The following ACACB variants were observed in gnomAD, a reference collection of about 807,000 sequenced individuals.
The protein encoded by ACACB is acetyl-CoA carboxylase 2.
Under a neutral mutation model 278.8 loss-of-function variants are expected in ACACB, and 209 were observed. The observed-to-expected ratio is 0.75, with a 90% CI of 0.67 to 0.84. ACACB has a LOEUF of 0.84. Among genes scored for constraint, ACACB ranks in the 40% least tolerant of loss-of-function variants. The pLI is 0.00. For missense variants in ACACB, 2,850 were observed against 3,269.0 expected, an observed-to-expected ratio of 0.87 and a Z score of 3.13; for synonymous variants, 1,174 against 1,285.6, an observed-to-expected ratio of 0.91 and a Z score of 1.86.
chr12:109,113,519 G>A (rs937362020), upstream of ACACB: 1 of 152,218 alleles, frequency 6.6e-6, no homozygotes, highest in Non-Finnish European at 1.5e-5. Context: ...ATAATTAATT[G>A]TGTGAAAGTC....
At chr12:109,223,313 A>T (rs913456125) in intron 26 of ACACB, among the ~76,000 whole-genome samples, 2 of 152,116 alleles carry the variant, frequency 1.3e-5, no homozygotes. Context: ...GACCTGTCCC[A>T]GGTGCCGTCA....
intron 2 of ACACB, among the ~76,000 whole-genome samples, chr12:109,163,680 C>T (rs2043808468): frequency 6.6e-6 from 1 of 152,118 alleles, no homozygotes; most frequent in Admixed American, 6.5e-5. Context: ...GATGGAGTCT[C>T]ACTCTATTGC....
chr12:109,264,204 C>T (rs1565986941), intron 49 of ACACB, 28 bp from the exon 50 acceptor site: 2 of 1,611,400 alleles, frequency 1.2e-6, no homozygotes, highest in East Asian at 2.2e-5. Context: ...GCTTCCATGG[C>T]TTGACTGGCC....
rs80032845 is a variant in ACACB, at chr12:109,120,291, C to G, written c.-10+3587C>G. On this transcript the variant is annotated intron_variant, in intron 1 of 52. Transcript: ENST00000338432. Reference sequence around the variant, plus strand: ...TGGTTTACAGCAGGACTTCTCAGAGCCTTTACTATGCTAAATGCAGTGGGA... The same window carrying G: ...TGGTTTACAGCAGGACTTCTCAGAGGCTTTACTATGCTAAATGCAGTGGGA... Among the ~76,000 whole-genome samples the G allele has an allele frequency of 7.0e-4, 106 of 152,290 alleles. 2 individuals carry two copies. In the East Asian group the frequency reaches 0.02, roughly 28 times the overall value.
At chr12:109,171,212 T>A (rs1021606764) in intron 4 of ACACB, among the ~76,000 whole-genome samples, 10 of 152,212 alleles carry the variant, frequency 6.6e-5, no homozygotes, top group South Asian at 2.1e-4. Flanking sequence ...GGACTTTTTT[T>A]AAAAACCCAC....
At chr12:109,173,267 G>C (rs1565886960) in intron 6 of ACACB, among the ~76,000 whole-genome samples, 2 of 152,160 alleles carry the variant, frequency 1.3e-5, no homozygotes, top group African/African-American at 4.8e-5. Context: ...TGTGACATAA[G>C]TTTACCTATA....
At chr12:109,142,720 C>T (rs2043150196) in intron 2 of ACACB, among the ~76,000 whole-genome samples, 1 of 152,100 alleles carries the variant, frequency 6.6e-6, no homozygotes, top group South Asian at 2.1e-4. Flanking sequence ...GCGTGTGCCA[C>T]CACACCTGGC....
chr12:109,153,608 T>C (rs183554162), intron 2 of ACACB, among the ~76,000 whole-genome samples: 1 of 152,312 alleles, frequency 6.6e-6, no homozygotes, highest in East Asian at 1.9e-4. Context: ...CGATGACTTC[T>C]AGGTAGTGTT....
At chr12:109,264,505 A>G (rs997871774) in intron 50 of ACACB, 119 bp downstream of exon 50, 2 of 1,280,110 alleles carry the variant, frequency 1.6e-6, no homozygotes, top group South Asian at 1.4e-5. Context: ...CAAATGCTGC[A>G]GGAGGTGGGA....
intron 24 of ACACB, among the ~76,000 whole-genome samples, chr12:109,219,436 C>T (rs117350440): frequency 6.6e-6 from 1 of 152,120 alleles, no homozygotes. Context: ...CCATGCCCCA[C>T]CCTTGGTCAA....
chr12:109,199,148 C>T (rs947343619), intron 17 of ACACB, among the ~76,000 whole-genome samples: 3 of 151,950 alleles, frequency 2.0e-5, no homozygotes, highest in Admixed American at 1.3e-4. Flanking sequence ...CGAGATCGCG[C>T]CACTGCACTC....
rs544646734 is a variant in ACACB, at chr12:109,259,323, G to A, written c.6496+215G>A. Reference sequence around the variant, plus strand: ...CACAGTGGCAGACACCTGTAATCCCGGTGCTTTGGGAGGCCAAGGCAGAAA... The same window carrying A: ...CACAGTGGCAGACACCTGTAATCCCAGTGCTTTGGGAGGCCAAGGCAGAAA... On this transcript the variant is annotated intron_variant, in intron 47 of 52. Transcript: ENST00000338432. 5.9e-5 allele frequency among the ~76,000 whole-genome samples: 9 copies of A among 152,208 alleles called. 2 individuals are homozygous for A. Among genetic ancestry groups the A allele is most frequent in the African/African-American group, 1.9e-4 (8 of 41,522 alleles).
intron 2 of ACACB, among the ~76,000 whole-genome samples, chr12:109,157,272 G>GTTGTTATTATTATTATTATTATTA (rs148495637): frequency 1.4e-5 from 2 of 143,176 alleles, no homozygotes; most frequent in African/African-American, 5.2e-5. Context: ...TTCTAGAGTT[G>GTTGTTATTATTATTATTATTATTA]TTATTATTAT....
chr12:109,232,281 T>A (rs2046495110), intron 28 of ACACB, among the ~76,000 whole-genome samples: 1 of 152,160 alleles, frequency 6.6e-6, no homozygotes, highest in African/African-American at 2.4e-5. Flanking sequence ...GACTGGAGTG[T>A]CCGTCAGGAC....
intron 2 of ACACB, among the ~76,000 whole-genome samples, chr12:109,146,912 C>CA (rs1299456733): frequency 3.3e-5 from 5 of 152,062 alleles, no homozygotes; most frequent in Non-Finnish European, 5.9e-5. Context: ...TGAGCTCAAG[C>CA]AATCTGCCCA....
intron 1 of ACACB, 47 bp from the exon 2 acceptor site, chr12:109,139,350 C>T: frequency 1.3e-6 from 2 of 1,537,396 alleles, no homozygotes; most frequent in Admixed American, 3.8e-5. Flanking sequence ...GGAGAGAAAT[C>T]ACTTGATTAT....
chr12:109,122,606 A>G (rs1221504501), intron 1 of ACACB, among the ~76,000 whole-genome samples: 1 of 151,040 alleles, frequency 6.6e-6, no homozygotes, highest in Non-Finnish European at 1.5e-5. Flanking sequence ...AAGATGCTGA[A>G]TACAGAGCCT....
At chr12:109,114,542 G>A (rs532416600), upstream of ACACB, among the ~76,000 whole-genome samples, 1 of 151,954 alleles carries the variant, frequency 6.6e-6, no homozygotes, top group East Asian at 1.9e-4. Flanking sequence ...AGACCATGTG[G>A]TCACTTAATA....
intron 28 of ACACB, 81 bp downstream of exon 28, chr12:109,227,570 G>C: frequency 7.1e-7 from 1 of 1,403,822 alleles, no homozygotes; most frequent in African/African-American, 1.4e-5. Flanking sequence ...GAAGGACCTG[G>C]CAAGTGTGTT....
Sources: allele counts gnomAD v4.1 joint callset (sites outside exome capture counted in the v4.1 genomes callset), GRCh38; gene constraint gnomAD v4.1.1; transcripts MANE v1.5; gene names NCBI Gene and HGNC (gene_info 2026-07-23, HGNC 2026-07-21).